Variants in DCP1B observed in about 807,000 individuals in gnomAD.
DCP1B encodes mRNA-decapping enzyme 1B.
In DCP1B, 47 loss-of-function variants were observed where a neutral mutation model predicts 60.5. The observed-to-expected ratio is 0.78, with a 90% CI of 0.61 to 0.99. DCP1B has a LOEUF of 0.99. Ranked by LOEUF, DCP1B falls within the 50% of genes least tolerant of loss-of-function variation. DCP1B has a pLI of 0.00. For missense variants in DCP1B, 725 were observed against 756.8 expected (o/e 0.96, Z 0.49); for synonymous variants, 267 against 280.3 (o/e 0.95, Z 0.47).
chr12:1,956,751 C>T (rs549831223), intron 5 of DCP1B, among the ~76,000 whole-genome samples: 4 of 152,326 alleles, frequency 2.6e-5, no homozygotes, highest in Admixed American at 2.0e-4. Flanking sequence ...GACAAGAATA[C>T]AGGCTAACAT....
intron 3 of DCP1B, 105 bp downstream of exon 3, chr12:1,993,159 T>C (rs2039898172): frequency 3.4e-6 from 5 of 1,467,110 alleles, no homozygotes; most frequent in East Asian, 2.3e-5. Context: ...ACACCCCCCA[T>C]AGCCACTGAT....
Position 1,993,498 on chromosome 12 carries a change from T to C in DCP1B, c.192-107A>G, listed in dbSNP as rs2039999050. 41 of 1,400,736 alleles carry C rather than the reference T, an allele frequency of 2.9e-5. 1 individual carries two copies. The South Asian group carries it at 5.4e-4, about 19-fold the overall frequency. The allele number at this position is 1,400,736 out of a possible 1,614,324, so 86.8% of individuals were successfully genotyped here. ...GTGTCTCTCAACCTTTGTTTGTATATGCAGCTTTATATAAGCAGCCTGTAC... is the reference window on the plus strand; with the variant it reads ...GTGTCTCTCAACCTTTGTTTGTATACGCAGCTTTATATAAGCAGCCTGTAC... On this transcript the variant is annotated intron_variant, in intron 2 of 8. Transcript: ENST00000280665.
chr12:1,999,984 G>A (rs911392715), intron 1 of DCP1B, among the ~76,000 whole-genome samples: 2 of 152,186 alleles, frequency 1.3e-5, no homozygotes, highest in Admixed American at 1.3e-4. Flanking sequence ...AAACAAACAT[G>A]GTTAATTCCT....
At chr12:1,963,075 C>G (rs565305498) in intron 5 of DCP1B, among the ~76,000 whole-genome samples, 2 of 152,324 alleles carry the variant, frequency 1.3e-5, no homozygotes, top group East Asian at 3.9e-4. Flanking sequence ...TAATGAGATT[C>G]AGGATCAACT....
rs971778432 is a variant in DCP1B, at chr12:1,948,208, G to A, written c.1773+878C>T. Among the ~76,000 whole-genome samples, 1 of 152,226 alleles carries A rather than the reference G, an allele frequency of 6.6e-6. No individual in the cohort carries two copies. The highest frequency in any genetic ancestry group is 2.4e-5 in the African/African-American group (1 of 41,452). ...AAGGACTGCCGTTGATTTCTTGGGT[G>A]TGCTTTGCTAGGGCACCTGTGCTGA... On this transcript the variant is annotated intron_variant, in intron 8 of 8. Transcript: ENST00000280665. This position sits in a 1 kb window ranked among gnomAD's most constrained non-coding sequence, Gnocchi z 4.8.
intron 6 of DCP1B, among the ~76,000 whole-genome samples, 200 bp from the exon 7 acceptor site, chr12:1,953,488 C>G (rs1312875672): frequency 6.6e-6 from 1 of 151,952 alleles, no homozygotes; most frequent in Admixed American, 6.6e-5. Context: ...CCCCTTGCAC[C>G]CCCAAAACAG....
intron 5 of DCP1B, among the ~76,000 whole-genome samples, chr12:1,956,945 A>T (rs2030906709): frequency 6.6e-6 from 1 of 152,220 alleles, no homozygotes; most frequent in South Asian, 2.1e-4. Context: ...GGCTAACAGG[A>T]TGCTTTGTCT....
chr12:1,998,898 T>G lies in DCP1B; in HGVS notation c.151-923A>C, dbSNP rs58651751. On this transcript the variant is annotated intron_variant, in intron 1 of 8. Transcript: ENST00000280665. ...TTATTAATATTCATCACCATAATCA[T>G]TCAAAATTTAAGTACTCTGTAATTC... 1.7e-3 allele frequency among the ~76,000 whole-genome samples: 253 copies of G among 152,318 alleles called. 1 individual carries two copies. Among genetic ancestry groups the G allele is most frequent in the African/African-American group, 5.9e-3 (246 of 41,572 alleles).
At chr12:1,949,832 C>T (rs976706227) in intron 7 of DCP1B, among the ~76,000 whole-genome samples, 4 of 152,202 alleles carry the variant, frequency 2.6e-5, no homozygotes, top group Non-Finnish European at 5.9e-5. Flanking sequence ...GGGTCCACCC[C>T]TTCTGGGTCC....
Position 1,952,784 on chromosome 12 carries a change from T to C in DCP1B, c.1156A>G (p.Arg386Gly), listed in dbSNP as rs746631708. Reference sequence around the variant, plus strand: ...ACAGGGGTGACAGAAGTGGGAGCTCTGCTGCGGTTCAGGGCAGCTGAGCTG... The same window carrying C: ...ACAGGGGTGACAGAAGTGGGAGCTCCGCTGCGGTTCAGGGCAGCTGAGCTG... ...PASSAALNRS[R>G]APTSVTPVAP... The change falls in exon 7 of 9, where the codon AGA (arginine) becomes GGA (glycine). Residue 386 changes from arginine (R) to glycine (G), a missense_variant. By Grantham distance (125) the Arg-to-Gly change is moderately radical (BLOSUM62 -2). Coordinates refer to ENST00000280665, the MANE Select transcript of DCP1B (RefSeq NM_152640.5). The C allele has an allele frequency of 6.8e-6, 11 of 1,614,210 alleles. No homozygotes were observed. Among genetic ancestry groups the C allele is most frequent in the Admixed American group, 1.7e-5 (1 of 60,026 alleles).
intron 1 of DCP1B, among the ~76,000 whole-genome samples, chr12:2,000,355 T>C (rs1479150608): frequency 6.6e-6 from 1 of 152,182 alleles, no homozygotes; most frequent in African/African-American, 2.4e-5. Flanking sequence ...CCTTGGACTG[T>C]TTCATCTTAG....
chr12:1,944,966 T>A (rs561605874), downstream of DCP1B, among the ~76,000 whole-genome samples: 1 of 151,982 alleles, frequency 6.6e-6, no homozygotes, highest in Admixed American at 6.6e-5. Context: ...TTTCTGCACA[T>A]CAAAAGAAAC....
In DCP1B at chr12:1,949,259, T is replaced by C. The variant is rs753450583; in HGVS notation, c.1600A>G (p.Thr534Ala). ...TCCCTTTCCTTTGGCGGGACGGAGG[T>C]GGGTTGTGCGAACACCATGGGGGAC... ...LMSPMVFAQPTSVPPKERESG... is the reference protein window; with the variant it reads ...LMSPMVFAQPASVPPKERESG... Residue 534 changes from threonine to alanine, a missense_variant, in exon 8 of 9, where the codon ACC (threonine) becomes GCC (alanine). Thr to Ala is a moderately conservative substitution (Grantham distance 58). Transcript: ENST00000280665. The C allele has an allele frequency of 4.3e-6, 7 of 1,613,628 alleles. No homozygotes were observed. In the Admixed American group the frequency reaches 1.2e-4, roughly 27 times the overall value.
intron 5 of DCP1B, among the ~76,000 whole-genome samples, chr12:1,958,261 C>A (rs925551720): frequency 6.7e-6 from 1 of 148,748 alleles, no homozygotes; most frequent in African/African-American, 2.5e-5. Context: ...AGCTCCCCAA[C>A]GTTGCTCTGG....
At chr12:1,982,763 T>G (rs777781258) in intron 3 of DCP1B, among the ~76,000 whole-genome samples, 4 of 152,132 alleles carry the variant, frequency 2.6e-5, no homozygotes, top group Non-Finnish European at 5.9e-5. Flanking sequence ...TTGAAATGTC[T>G]TTGCCTTGTT....
Position 1,965,581 on chromosome 12 carries a change from T to C in DCP1B, c.499A>G (p.Lys167Glu). 6.2e-7 allele frequency: 1 copy of C among 1,613,654 alleles called. No individual in the cohort carries two copies. The highest frequency in any genetic ancestry group is 8.5e-7 in the Non-Finnish European group (1 of 1,179,794). ...ACCTTTGTGTATTCGTCTTTGGCCT[T>C]GATGAGCATTCGTAAAATGTCTACT... ...KEVDILRMLIKAKDEYTKCKT... is the reference protein window; with the variant it reads ...KEVDILRMLIEAKDEYTKCKT... The change falls in exon 5 of 9, where the codon AAG (lysine) becomes GAG (glutamate). Residue 167 changes from lysine (K) to glutamate (E), a missense_variant. By Grantham distance (56) the Lys-to-Glu change is moderately conservative. Transcript: ENST00000280665.
chr12:1,958,034 TCCTGGAAGGA>T (rs2030954224), intron 5 of DCP1B, among the ~76,000 whole-genome samples: 1 of 143,508 alleles, frequency 7.0e-6, no homozygotes, highest in African/African-American at 2.6e-5. Flanking sequence ...TCTATAAACC[TCCTGGAAGGA>T]AACAGGGGAA....
intron 3 of DCP1B, chr12:1,992,263 T>TA (rs1308556503): frequency 6.3e-6 from 1 of 159,600 alleles, no homozygotes; most frequent in African/African-American, 2.4e-5. Flanking sequence ...ATTTATTCTC[T>TA]AAATAATAGG....
chr12:1,974,844 G>A (rs1466324131), intron 3 of DCP1B, among the ~76,000 whole-genome samples: 1 of 152,028 alleles, frequency 6.6e-6, no homozygotes, highest in Non-Finnish European at 1.5e-5. Context: ...TCCTATAATC[G>A]CAGTTTTTGA....
Sources: gnomAD v4.1 joint callset for allele counts (sites outside exome capture counted in the v4.1 genomes callset) on GRCh38, gnomAD v4.1.1 for gene constraint, Gnocchi (gnomAD v3.1) non-coding constraint, MANE v1.5 for transcripts, NCBI Gene and HGNC (gene_info 2026-07-23, HGNC 2026-07-21) for gene names.